Variants in PLEKHH1 observed in about 807,000 individuals in gnomAD.
PLEKHH1 encodes the protein pleckstrin homology, MyTH4 and FERM domain containing H1.
PLEKHH1 carries 104 observed loss-of-function variants against 160.0 expected under a neutral mutation model. The ratio of observed to expected loss-of-function variants is 0.65; its 90% confidence interval spans 0.55 to 0.76. PLEKHH1 has a LOEUF of 0.76. Ranked by LOEUF, PLEKHH1 falls within the 30% of genes least tolerant of loss-of-function variation. PLEKHH1 has a pLI of 0.00. For synonymous variants in PLEKHH1, 619 were observed against 678.4 expected (o/e 0.91, Z 1.36); for missense variants, 1,427 against 1,724.1 (o/e 0.83, Z 3.05).
chr14:67,572,107 G>T (rs566661398), intron 10 of PLEKHH1, 28 bp from the exon 11 acceptor site: 48 of 1,594,166 alleles, frequency 3.0e-5, no homozygotes, highest in Non-Finnish European at 4.1e-5. Context: ...TGTGGGACCC[G>T]GGCCTTGACT....
At chr14:67,556,159 G>C (rs1011142578) in intron 3 of PLEKHH1, among the ~76,000 whole-genome samples, 1 of 152,206 alleles carries the variant, frequency 6.6e-6, no homozygotes, top group African/African-American at 2.4e-5. Context: ...GTTCTCACTC[G>C]TGGAACCTGT....
chr14:67,552,488 C>A (rs1408902209), intron 2 of PLEKHH1, among the ~76,000 whole-genome samples: 1 of 152,204 alleles, frequency 6.6e-6, no homozygotes, highest in Non-Finnish European at 1.5e-5. Flanking sequence ...GAAGGACTGG[C>A]TGGGTGCGGT....
rs1318398863 is a variant in PLEKHH1, at chr14:67,570,013, G to T, written c.1434+1G>T. ...GCCTGTCTACACAGCACTGAAGGGG[G>T]TAAGAAACTGCTGCACAAAGAGGGG... On this transcript the variant is annotated splice_donor_variant, in intron 9 of 28. Transcript: ENST00000329153. LOFTEE classifies it high-confidence loss of function. 5.7e-6 allele frequency: 9 copies of T among 1,570,600 alleles called. No homozygotes were observed. The highest frequency in any genetic ancestry group is 1.7e-5 in the Admixed American group (1 of 57,868).
chr14:67,575,874 C>G lies in PLEKHH1; in HGVS notation c.2221C>G (p.Arg741Gly). ...GGATGCGCACATAGAGGAAGTAGAT[C>G]GATCCTGTGACTCAGACGAGGACTA... ...VRDAHIEEVD[R>G]SCDSDEDYEA... Residue 741 changes from arginine (R) to glycine (G), a missense_variant, in exon 16 of 29, where the codon CGA becomes GGA. Arg to Gly is a moderately radical substitution (Grantham distance 125, BLOSUM62 -2). Transcript: ENST00000329153. The G allele has an allele frequency of 6.2e-7, 1 of 1,613,958 alleles. No individual in the cohort carries two copies. The highest frequency in any genetic ancestry group is 8.5e-7 in the Non-Finnish European group (1 of 1,179,856).
chr14:67,541,233 GAAAT>G (rs1294773388), intron 1 of PLEKHH1, among the ~76,000 whole-genome samples: 1 of 152,118 alleles, frequency 6.6e-6, no homozygotes, highest in Non-Finnish European at 1.5e-5. Flanking sequence ...AATAGAATAA[GAAAT>G]AAACTGGGAA....
At chr14:67,557,214 C>T in intron 3 of PLEKHH1, 55 bp from the exon 4 acceptor site, 4 of 1,536,540 alleles carry the variant, frequency 2.6e-6, no homozygotes, top group Non-Finnish European at 3.6e-6. Flanking sequence ...TTACTGGCCA[C>T]TGCACACCCC....
Position 67,576,371 on chromosome 14 carries a change from C to T in PLEKHH1, c.2353-24C>T, listed in dbSNP as rs772186010. 1.7e-5 allele frequency: 24 copies of T among 1,402,288 alleles called. No homozygotes were observed. The highest frequency in any genetic ancestry group is 3.6e-4 in the Middle Eastern group (2 of 5,552). The allele number at this position is 1,402,288 out of a possible 1,614,324, so 86.9% of individuals were successfully genotyped here. A position where few individuals can be genotyped will look rare whatever the true frequency, so the allele number is the denominator to read the frequency against. The stretch of plus-strand genomic sequence containing the variant: ...CCACTCTTCCCACCCCGTCCCCATC[C>T]GATGGCTTTCCGCCCTCTTCCAGGA... On this transcript the variant is annotated intron_variant, in intron 16 of 28. Transcript: ENST00000329153. This position sits in a 1 kb window ranked among gnomAD's most constrained non-coding sequence, Gnocchi z 4.0.
Position 67,578,993 on chromosome 14 carries a change from C to T in PLEKHH1, c.2850-141C>T. 1 of 657,502 alleles carries T rather than the reference C, an allele frequency of 1.5e-6. No individual in the cohort carries two copies. The highest frequency in any genetic ancestry group is 2.7e-5 in the East Asian group (1 of 36,996). 40.7% of individuals were successfully genotyped at this position (657,502 alleles called of 1,614,324 possible). On this transcript the variant is annotated intron_variant, in intron 20 of 28. Transcript: ENST00000329153. The surrounding 1 kb of genome is among the most constrained non-coding windows in gnomAD (Gnocchi z 5.0). ...AGGTCCTGAATGACAAATTAATGTC[C>T]CAGACCAGAGTCTTCAGGGCTTTTC...
Position 67,571,820 on chromosome 14 carries a change from T to C in PLEKHH1, c.1503T>C (p.Ser501=), listed in dbSNP as rs755363530. Residue 501 remains serine, a synonymous_variant, in exon 10 of 29, where the codon TCT becomes TCC. Coordinates refer to ENST00000329153, the MANE Select transcript of PLEKHH1 (RefSeq NM_020715.3). ...ESSGSDDDCS[S]QASFRISVPS... is the part of the protein sequence containing the mutation. ...CTGGGTCTGACGATGACTGCAGCTC[T>C]CAGGCGAGTTTCCGAATCTCGGTCC... 6.2e-6 allele frequency: 10 copies of C among 1,613,914 alleles called. No individual in the cohort carries two copies. The South Asian group carries it at 6.6e-5, about 11-fold the overall frequency.
chr14:67,574,165 G>A lies in PLEKHH1; in HGVS notation c.1927-77G>A, dbSNP rs1594781444. On this transcript the variant is annotated intron_variant, in intron 13 of 28. Coordinates refer to ENST00000329153, the MANE Select transcript of PLEKHH1 (RefSeq NM_020715.3). This position sits in a 1 kb window ranked among gnomAD's most constrained non-coding sequence, Gnocchi z 4.2. ...GCCAGCCCCTTGGGTTCAGGGACAG[G>A]TGCCACCTCGGAGCCAGGTCCTGGT... The A allele has an allele frequency of 2.2e-6, 3 of 1,347,328 alleles. No individual in the cohort carries two copies. Among genetic ancestry groups the A allele is most frequent in the East Asian group, 2.5e-5 (1 of 40,088 alleles). The allele number at this position is 1,347,328 out of a possible 1,614,324, so 83.5% of individuals were successfully genotyped here. A position where few individuals can be genotyped will look rare whatever the true frequency, so the allele number is the denominator to read the frequency against.
At position 67,562,401 on chromosome 14, in the gene PLEKHH1, C is replaced by A. The variant is rs45616031; in HGVS notation, c.770C>A (p.Pro257His). Residue 257 changes from proline (P) to histidine (H), a missense_variant, in exon 7 of 29, where the codon CCT becomes CAT. This residue lies in a region of PLEKHH1 where 831 missense variants were observed against 929.2 expected (regional missense o/e 0.89). Coordinates refer to ENST00000329153, the MANE Select transcript of PLEKHH1 (RefSeq NM_020715.3). The part of the protein sequence containing the change: ...GETVEAKPLQ[P>H]HLGRESPPHQ... Reference sequence around the variant, plus strand: ...ACAGTAGAGGCCAAGCCCCTTCAACCTCATCTGGGAAGAGAGAGCCCTCCC... The same window carrying A: ...ACAGTAGAGGCCAAGCCCCTTCAACATCATCTGGGAAGAGAGAGCCCTCCC... The A allele has an allele frequency of 0.026, 41,889 of 1,613,636 alleles. 761 individuals carry two copies. The highest frequency in any genetic ancestry group is 0.097 in the East Asian group (4,361 of 44,846).
intron 10 of PLEKHH1, 46 bp from the exon 11 acceptor site, chr14:67,572,089 C>T (rs778662881): frequency 1.2e-4 from 186 of 1,575,498 alleles, no homozygotes; most frequent in Non-Finnish European, 1.6e-4. Flanking sequence ...CTGCGTGAGT[C>T]GGGGAGGTGT....
chr14:67,583,582 A>AAT (rs1566765336), intron 24 of PLEKHH1, among the ~76,000 whole-genome samples, 159 bp from the exon 25 acceptor site: 1 of 152,218 alleles, frequency 6.6e-6, no homozygotes, highest in Non-Finnish European at 1.5e-5. Flanking sequence ...TAGTGTCTAT[A>AAT]AAACTTGAGA....
rs74532629 is a variant in PLEKHH1, at chr14:67,552,958, G to T, written c.127-2867G>T. ...GGGATAGATAATAAAATCCGGAGGG[G>T]AAAAAATGCTCGCTGTGTTGTCAAT... On this transcript the variant is annotated intron_variant, in intron 2 of 28. Coordinates refer to ENST00000329153, the MANE Select transcript of PLEKHH1 (RefSeq NM_020715.3). Among the ~76,000 whole-genome samples the T allele has an allele frequency of 1.2e-4, 18 of 152,222 alleles. No homozygotes were observed. The East Asian group carries it at 3.5e-3, about 29-fold the overall frequency.
chr14:67,537,555 CTTGGG>C (rs2033789440), intron 1 of PLEKHH1, among the ~76,000 whole-genome samples: 1 of 148,518 alleles, frequency 6.7e-6, no homozygotes, highest in African/African-American at 2.6e-5. Context: ...GTCCCAGCTG[CTTGGG>C]AGGCTGAGGT....
Position 67,583,866 on chromosome 14 carries a change from C to G in PLEKHH1, c.3552C>G (p.Ala1184=). 6.2e-7 allele frequency: 1 copy of G among 1,613,732 alleles called. No homozygotes were observed. Among genetic ancestry groups the G allele is most frequent in the Non-Finnish European group, 8.5e-7 (1 of 1,179,762 alleles). ...ACCCCAGGCGCTATAGACATGGGGC[C>G]CCCGCTGAACAGCTGAGGTAGGTAG... ...RFHPRRYRHG[A]PAEQLRHLAD... Residue 1184 remains alanine (A), a synonymous_variant, in exon 25 of 29, where the codon GCC becomes GCG. Coordinates refer to ENST00000329153, the MANE Select transcript of PLEKHH1 (RefSeq NM_020715.3).
chr14:67,556,060 G>T (rs1455945776), intron 3 of PLEKHH1, among the ~76,000 whole-genome samples, 173 bp downstream of exon 3: 1 of 152,222 alleles, frequency 6.6e-6, no homozygotes, highest in African/African-American at 2.4e-5. Flanking sequence ...GTAAAGATCA[G>T]TGTAGCAAGT....
chr14:67,557,295 A>C lies in PLEKHH1; in HGVS notation c.216A>C (p.Lys72Asn). 6.2e-7 allele frequency: 1 copy of C among 1,613,838 alleles called. No homozygotes were observed. The highest frequency in any genetic ancestry group is 1.1e-5 in the South Asian group (1 of 91,074). The part of the protein sequence containing the change: ...TQVGVMEEKV[K>N]LSNLKNVDSE... Reference sequence around the variant, plus strand: ...TGGGTGTCATGGAAGAGAAGGTAAAACTATCCAATCTGAAGAATGTGGACT... The same window carrying C: ...TGGGTGTCATGGAAGAGAAGGTAAACCTATCCAATCTGAAGAATGTGGACT... The change falls in exon 4 of 29, where the codon AAA (lysine) becomes AAC (asparagine). Residue 72 changes from lysine (K) to asparagine (N), a missense_variant. Lys to Asn is a moderately conservative substitution (Grantham distance 94). Transcript: ENST00000329153.
At chr14:67,577,641 T>A (rs1329399352) in intron 18 of PLEKHH1, among the ~76,000 whole-genome samples, 1 of 152,168 alleles carries the variant, frequency 6.6e-6, no homozygotes, top group Non-Finnish European at 1.5e-5. Flanking sequence ...ATGAAAACTC[T>A]CCCTGGAGGA....
Sources: allele counts gnomAD v4.1 joint callset (sites outside exome capture counted in the v4.1 genomes callset), GRCh38; gene constraint gnomAD v4.1.1; regional missense constraint gnomAD v4.1.1; non-coding constraint Gnocchi (gnomAD v3.1); transcripts MANE v1.5; gene names NCBI Gene and HGNC (gene_info 2026-07-23, HGNC 2026-07-21).